The following LRRK2 variants were observed in gnomAD, a reference collection of about 807,000 sequenced individuals.
The protein encoded by LRRK2 is leucine-rich repeat serine/threonine-protein kinase 2.
Under a neutral mutation model 302.6 loss-of-function variants are expected in LRRK2, and 203 were observed. The ratio of observed to expected loss-of-function variants is 0.67; its 90% CI spans 0.60 to 0.75. The LOEUF (loss-of-function observed/expected upper bound fraction) is 0.75. Ranked by LOEUF, LRRK2 falls within the 30% of genes least tolerant of loss-of-function variation. The pLI, the probability that LRRK2 is intolerant of heterozygous loss-of-function variation, is 0.00. For missense variants in LRRK2, 2,830 were observed against 2,951.0 expected, an observed-to-expected ratio of 0.96 and a Z score of 0.95; for synonymous variants, 1,066 against 1,031.9, an observed-to-expected ratio of 1.03 and a Z score of -0.63.
Position 40,294,909 on chromosome 12 carries a change from C to A in LRRK2, c.2873C>A (p.Ser958Ter). 1 of 1,525,006 alleles carries A rather than the reference C, an allele frequency of 6.6e-7. No individual in the cohort carries two copies. Among genetic ancestry groups the A allele is most frequent in the Non-Finnish European group, 9.1e-7 (1 of 1,103,842 alleles). The allele number at this position is 1,525,006 out of a possible 1,614,324, so 94.5% of individuals were successfully genotyped here. ...AGAAAAATATTATCTTCAGATGATTCACTCAGTAAGTATTTGGATGTAATC... is the reference window on the plus strand; with the variant it reads ...AGAAAAATATTATCTTCAGATGATTAACTCAGTAAGTATTTGGATGTAATC... ...RKRKILSSDD[S>*]LRSSKLQSHM... is the part of the protein sequence containing the mutation. The change falls in exon 22 of 51, where the codon TCA (serine) becomes TAA (stop). Residue 958 changes from serine to a stop codon, truncating the protein, a stop_gained. Coordinates refer to ENST00000298910, the MANE Select transcript of LRRK2 (RefSeq NM_198578.4). LOFTEE classifies it high-confidence loss of function.
rs542069489 is a variant in LRRK2, at chr12:40,234,448, G to A, written c.348-1178G>A. On this transcript the variant is annotated intron_variant, in intron 3 of 50. Coordinates refer to ENST00000298910, the MANE Select transcript of LRRK2 (RefSeq NM_198578.4). Reference sequence around the variant, plus strand: ...GGCTGGCGTGCAGTGGCGTGATCTCGGCTCACTGTAACCTCTGTGTCCCGG... The same window carrying A: ...GGCTGGCGTGCAGTGGCGTGATCTCAGCTCACTGTAACCTCTGTGTCCCGG... 1.2e-4 allele frequency among the ~76,000 whole-genome samples: 16 copies of A among 138,974 alleles called. No homozygotes were observed. The East Asian group carries it at 1.7e-3, about 14-fold the overall frequency. 91.2% of individuals were successfully genotyped at this position (138,974 alleles called of 152,430 possible).
chr12:40,341,157 G>C (rs17520389), intron 41 of LRRK2, among the ~76,000 whole-genome samples: 1 of 140,726 alleles, frequency 7.1e-6, no homozygotes, highest in African/African-American at 2.6e-5. Context: ...TGAGCAGGAA[G>C]TAAATCATTT....
At chr12:40,229,266 T>C (rs1212823689) in intron 2 of LRRK2, among the ~76,000 whole-genome samples, 4 of 152,188 alleles carry the variant, frequency 2.6e-5, no homozygotes, top group African/African-American at 9.6e-5. Flanking sequence ...AAACTCTTAA[T>C]GATAAATTTA....
At chr12:40,236,042 A>G (rs1307990017) in intron 4 of LRRK2, among the ~76,000 whole-genome samples, 1 of 152,090 alleles carries the variant, frequency 6.6e-6, no homozygotes, top group Non-Finnish European at 1.5e-5. Flanking sequence ...CTCTGTTGGT[A>G]GTCCGATGTT....
Position 40,272,145 on chromosome 12 carries a change from T to C in LRRK2, c.1657-2438T>C, listed in dbSNP as rs73263869. Among the ~76,000 whole-genome samples, 1,106 of 152,128 alleles carry C rather than the reference T, an allele frequency of 7.3e-3. 15 individuals carry two copies. Among genetic ancestry groups the C allele is most frequent in the African/African-American group, 0.024 (1,013 of 41,410 alleles). ...ATTTTACAAGGGTGACAACAGAGCA[T>C]TGAAGCAAGTGCTCTGTGAGCATGA... On this transcript the variant is annotated intron_variant, in intron 14 of 50. Coordinates refer to ENST00000298910, the MANE Select transcript of LRRK2 (RefSeq NM_198578.4).
At chr12:40,296,573 A>G (rs1019120420) in intron 23 of LRRK2, among the ~76,000 whole-genome samples, 1 of 152,014 alleles carries the variant, frequency 6.6e-6, no homozygotes, top group African/African-American at 2.4e-5. Context: ...CAGAGGTTGC[A>G]GTGAGCCAAG....
chr12:40,321,843 G>A (rs1431521848), intron 35 of LRRK2, among the ~76,000 whole-genome samples, 192 bp from the exon 36 acceptor site: 1 of 151,866 alleles, frequency 6.6e-6, no homozygotes, highest in South Asian at 2.1e-4. Context: ...AATGTGCAGG[G>A]GATTTAACTC....
chr12:40,312,946 T>C (rs1207596169), intron 31 of LRRK2: 1 of 117,850 alleles, frequency 8.5e-6, no homozygotes, highest in Non-Finnish European at 1.9e-5. Flanking sequence ...GGTTAAGAGA[T>C]ACATGAAAAC....
chr12:40,335,697 T>A lies in LRRK2; in HGVS notation c.5948+540T>A, dbSNP rs527507398. On this transcript the variant is annotated intron_variant, in intron 40 of 50. Transcript: ENST00000298910. The stretch of plus-strand genomic sequence containing the variant: ...CACTATTCCACACATTTAGTAACTG[T>A]GATTTTATATCTCTGATTCCCATTT... Among the ~76,000 whole-genome samples the A allele has an allele frequency of 9.8e-5, 15 of 152,330 alleles. 1 individual carries two copies. In the South Asian group the frequency reaches 3.1e-3, roughly 32 times the overall value.
intron 48 of LRRK2, among the ~76,000 whole-genome samples, chr12:40,364,293 A>G (rs1360014157): frequency 6.6e-6 from 1 of 151,908 alleles, no homozygotes; most frequent in Non-Finnish European, 1.5e-5. Flanking sequence ...TTATGTTCAG[A>G]AGGGCCAACA....
chr12:40,276,547 C>G (rs373949571), intron 16 of LRRK2, among the ~76,000 whole-genome samples: 8 of 152,184 alleles, frequency 5.3e-5, no homozygotes. Context: ...TCACTCACCT[C>G]GGACTCCCAA....
In LRRK2 at chr12:40,367,689, A is replaced by T. The variant is rs766673964; in HGVS notation, c.7508A>T (p.Glu2503Val). Residue 2503 changes from glutamate to valine, a missense_variant, in exon 51 of 51, where the codon GAA (glutamate) becomes GTA (valine). Transcript: ENST00000298910. ...GTTTGGGACATCAATCTTCCACATGAAGTGCAAAATTTAGAAAAACACATT... is the reference window on the plus strand; with the variant it reads ...GTTTGGGACATCAATCTTCCACATGTAGTGCAAAATTTAGAAAAACACATT... Reference protein sequence around the residue: ...LTVWDINLPHEVQNLEKHIEV... With the variant: ...LTVWDINLPHVVQNLEKHIEV... The T allele has an allele frequency of 6.2e-7, 1 of 1,604,258 alleles. No individual in the cohort carries two copies. The highest frequency in any genetic ancestry group is 8.5e-7 in the Non-Finnish European group (1 of 1,174,268).
chr12:40,324,831 T>C (rs1339588705), intron 38 of LRRK2, among the ~76,000 whole-genome samples: 1 of 152,220 alleles, frequency 6.6e-6, no homozygotes, highest in Non-Finnish European at 1.5e-5. Flanking sequence ...AACCCCAGAC[T>C]TCAAGGTATA....
At chr12:40,346,724 T>C (rs1359329912) in intron 41 of LRRK2, 29 bp from the exon 42 acceptor site, 9 of 1,609,480 alleles carry the variant, frequency 5.6e-6, no homozygotes, top group East Asian at 2.2e-5. Context: ...ATGTTGGTCA[T>C]ATTTATTATT....
At position 40,240,727 on chromosome 12, in the gene LRRK2, C is replaced by T. The variant is rs542420607; in HGVS notation, c.706+110C>T. On this transcript the variant is annotated intron_variant, in intron 6 of 50. Transcript: ENST00000298910. ...TATTATTTAGAAACTTGTGGATGCT[C>T]AACCCATTCATTCATTTATTCATTT... is the stretch of plus-strand genomic sequence containing the variant. The T allele has an allele frequency of 3.4e-4, 355 of 1,048,264 alleles. 4 individuals are homozygous for T. The Middle Eastern group carries it at 4.0e-3, about 12-fold the overall frequency. The allele number at this position is 1,048,264 out of a possible 1,614,324, so 64.9% of individuals were successfully genotyped here.
chr12:40,306,101 C>A, intron 28 of LRRK2, 135 bp downstream of exon 28: 1 of 662,732 alleles, frequency 1.5e-6, no homozygotes, highest in Non-Finnish European at 2.5e-6. Context: ...TGCTGTGTGT[C>A]ATTTGCCTTT....
chr12:40,339,064 T>C (rs905143782), intron 40 of LRRK2, among the ~76,000 whole-genome samples: 29 of 152,192 alleles, frequency 1.9e-4, no homozygotes, highest in African/African-American at 6.8e-4. Flanking sequence ...GCTGTATTAG[T>C]TGATGCAGTT....
intron 28 of LRRK2, among the ~76,000 whole-genome samples, chr12:40,307,761 TTTTTC>T (rs1191548684): frequency 9.0e-5 from 13 of 144,660 alleles, no homozygotes; most frequent in African/African-American, 2.8e-4. Context: ...ATTTATAGGG[TTTTTC>T]TTTTCTTTTC....
intron 22 of LRRK2, 98 bp downstream of exon 22, chr12:40,295,012 G>A: frequency 1.3e-6 from 1 of 753,734 alleles, no homozygotes; most frequent in Non-Finnish European, 2.3e-6. Context: ...CTTGGTGCCA[G>A]TTTCATCTTA....
Sources: gnomAD v4.1 joint callset for allele counts (sites outside exome capture counted in the v4.1 genomes callset) on GRCh38, gnomAD v4.1.1 for gene constraint, MANE v1.5 for transcripts, NCBI Gene and HGNC (gene_info 2026-07-23, HGNC 2026-07-21) for gene names.